Variants in COL1A1 observed in about 807,000 individuals in gnomAD.
COL1A1 encodes collagen alpha-1(I) chain.
In COL1A1, 21 loss-of-function variants were observed where a neutral mutation model predicts 195.7. That is an observed-to-expected ratio of 0.11 (90% CI 0.08 to 0.15). COL1A1 has a LOEUF of 0.15. COL1A1 is among the 10% of genes least tolerant of loss of function. The probability of loss-of-function intolerance (pLI) is 1.00; values close to 1 mark genes in which losing one functional copy is unlikely to be tolerated. For synonymous variants in COL1A1, 749 were observed against 747.3 expected (o/e 1.00, Z -0.04); for missense variants, 1,365 against 2,051.0 (o/e 0.67, Z 6.46).
chr17:50,195,178 A>G lies in COL1A1; in HGVS notation c.1299+54T>C. On this transcript the variant is annotated intron_variant, in intron 19 of 50. Coordinates refer to ENST00000225964, the MANE Select transcript of COL1A1 (RefSeq NM_000088.4). The surrounding 1 kb of genome is among the most constrained non-coding windows in gnomAD (Gnocchi z 4.3). ...TGCGTCTTCCTGCTCCCCAGATGAG[A>G]GCCGCACTGGAGCCAGTGCATGGGG... 6.2e-7 allele frequency: 1 copy of G among 1,603,366 alleles called. No homozygotes were observed. Among genetic ancestry groups the G allele is most frequent in the Non-Finnish European group, 8.5e-7 (1 of 1,170,820 alleles).
intron 3 of COL1A1, 45 bp from the exon 4 acceptor site, chr17:50,199,498 G>C: frequency 6.2e-7 from 1 of 1,614,212 alleles, no homozygotes; most frequent in Middle Eastern, 1.7e-4. Flanking sequence ...GTTAGAGAAG[G>C]GAGGACTGTG....
chr17:50,197,038 G>C lies in COL1A1; in HGVS notation c.776C>G (p.Ala259Gly). The C allele has an allele frequency of 2.5e-6, 4 of 1,614,136 alleles. No individual in the cohort carries two copies. Among genetic ancestry groups the C allele is most frequent in the Non-Finnish European group, 3.4e-6 (4 of 1,180,004 alleles). ...GTGTCCCTTCATTCCAGGGAGGCCA[G>C]CTGTTCCGGGCAATCCTCGAGCACC... is the stretch of plus-strand genomic sequence containing the variant. ...PQGARGLPGT[A>G]GLPGMKGHRG... Residue 259 changes from alanine to glycine, a missense_variant, in exon 11 of 51, where the codon GCT (alanine) becomes GGT (glycine). By Grantham distance (60) the Ala-to-Gly change is moderately conservative (BLOSUM62 0). This residue lies in a region of COL1A1 where 226 missense variants were observed against 372.9 expected (regional missense o/e 0.61). Transcript: ENST00000225964.
intron 1 of COL1A1, among the ~76,000 whole-genome samples, chr17:50,200,542 C>A (rs1221437055): frequency 6.6e-6 from 1 of 152,236 alleles, no homozygotes. Context: ...GCTCTCGGGG[C>A]CATCCCCAGT....
In COL1A1 at chr17:50,186,558, C is replaced by T; in HGVS notation, c.3815-51G>A. ...GTCAGGGAAAGGGAGCAGCCAGCAC[C>T]ATATGGTAGGGGCACATATGGGCAT... is the stretch of plus-strand genomic sequence containing the variant. On this transcript the variant is annotated intron_variant, in intron 48 of 50. Coordinates refer to ENST00000225964, the MANE Select transcript of COL1A1 (RefSeq NM_000088.4). The surrounding 1 kb of genome is among the most constrained non-coding windows in gnomAD (Gnocchi z 5.3). 1 of 1,613,832 alleles carries T rather than the reference C, an allele frequency of 6.2e-7. No homozygotes were observed. The highest frequency in any genetic ancestry group is 2.2e-5 in the East Asian group (1 of 44,874).
intron 46 of COL1A1, 60 bp downstream of exon 46, chr17:50,187,424 G>A: frequency 1.3e-6 from 2 of 1,582,290 alleles, no homozygotes; most frequent in Non-Finnish European, 8.7e-7. Flanking sequence ...CCCTGGCAAG[G>A]GTCCCCGAGG....
At position 50,188,703 on chromosome 17, in the gene COL1A1, A is replaced by G; in HGVS notation, c.3099+39T>C. The G allele has an allele frequency of 6.2e-7, 1 of 1,613,812 alleles. No homozygotes were observed. The highest frequency in any genetic ancestry group is 1.3e-5 in the African/African-American group (1 of 75,010). On this transcript the variant is annotated intron_variant, in intron 42 of 50. Coordinates refer to ENST00000225964, the MANE Select transcript of COL1A1 (RefSeq NM_000088.4). This position sits in a 1 kb window ranked among gnomAD's most constrained non-coding sequence, Gnocchi z 5.6. ...AAGGGCCAGGATGGGGCAGGGAAGC[A>G]GCAGACAAGGCTGTGGTCATGGAGT...
chr17:50,192,543 T>C lies in COL1A1; in HGVS notation c.1930-15A>G, dbSNP rs760481269. The stretch of plus-strand genomic sequence containing the variant: ...CCAGGGAGACCCTGTAGGTGGGAAA[T>C]GGGGGAAGAAGGGAGGGAAGGTTTA... On this transcript the variant is annotated splice_polypyrimidine_tract_variant and intron_variant, in intron 28 of 50. Coordinates refer to ENST00000225964, the MANE Select transcript of COL1A1 (RefSeq NM_000088.4). 2.5e-6 allele frequency: 4 copies of C among 1,613,598 alleles called. No homozygotes were observed. In the African/African-American group the frequency reaches 4.0e-5, roughly 16 times the overall value.
chr17:50,185,778 C>G lies in COL1A1; in HGVS notation c.4248G>C (p.Thr1416=), dbSNP rs746565111. 1.9e-6 allele frequency: 3 copies of G among 1,613,422 alleles called. No individual in the cohort carries two copies. The highest frequency in any genetic ancestry group is 2.2e-5 in the East Asian group (1 of 44,886). ...FTYSVTVDGC[T]SHTGAWGKTV... is the part of the protein sequence containing the mutation. ...CTGCCTGGGGATTCTGGGCACTCAC[C>G]GTGCAGCCATCGACAGTGACGCTGT... is the stretch of plus-strand genomic sequence containing the variant. The change falls in exon 50 of 51, where the codon ACG becomes ACC. Residue 1416 remains threonine, a splice_region_variant and synonymous_variant. Transcript: ENST00000225964.
Position 50,189,793 on chromosome 17 carries a change from GC to G in COL1A1, c.2614-62del. The stretch of plus-strand genomic sequence containing the variant: ...AACAGCCAACTCATCCGACCCAGCT[GC>G]CCTCACCTGCCACCGCTGCCTGGGG... On this transcript the variant is annotated intron_variant, in intron 37 of 50. Coordinates refer to ENST00000225964, the MANE Select transcript of COL1A1 (RefSeq NM_000088.4). This position sits in a 1 kb window ranked among gnomAD's most constrained non-coding sequence, Gnocchi z 5.5. 1 of 1,611,094 alleles carries G rather than the reference GC, an allele frequency of 6.2e-7. No homozygotes were observed. Among genetic ancestry groups the G allele is most frequent in the Non-Finnish European group, 8.5e-7 (1 of 1,178,042 alleles).
chr17:50,197,903 CTG>C, intron 8 of COL1A1, 44 bp downstream of exon 8: 3 of 1,603,840 alleles, frequency 1.9e-6, no homozygotes, highest in Non-Finnish European at 2.6e-6. Context: ...ATAGGAGAGT[CTG>C]TGTGTTTGTA....
intron 26 of COL1A1, 48 bp from the exon 27 acceptor site, chr17:50,192,898 A>T (rs751053608): frequency 3.1e-6 from 5 of 1,612,990 alleles, no homozygotes; most frequent in Non-Finnish European, 4.2e-6. Flanking sequence ...GGCCCCGAGC[A>T]GCTGAGGACC....
rs766145387 is a variant in COL1A1 at position 50,188,075 on chromosome 17, G to A, written c.3261+21C>T. ...CATCTGTAGAGTTCTAAAGGCATGG[G>A]GGACACAGCAGGGTACTTACGGCGG... On this transcript the variant is annotated intron_variant, in intron 44 of 50. Coordinates refer to ENST00000225964, the MANE Select transcript of COL1A1 (RefSeq NM_000088.4). This position sits in a 1 kb window ranked among gnomAD's most constrained non-coding sequence, Gnocchi z 5.6. The A allele has an allele frequency of 6.2e-7, 1 of 1,612,924 alleles. No individual in the cohort carries two copies. Among genetic ancestry groups the A allele is most frequent in the South Asian group, 1.1e-5 (1 of 90,876 alleles).
chr17:50,199,712 GGCCCC>G lies in COL1A1; in HGVS notation c.298+36_298+40del, dbSNP rs1907911295. ...CCCCCAGCCCCAGCCCCAGGCCCCA[GGCCCC>G]AGGCCCCAGGCCCCAGGCCCCGAGC... is the stretch of plus-strand genomic sequence containing the variant. On this transcript the variant is annotated intron_variant, in intron 2 of 50. Transcript: ENST00000225964. 5 of 219,230 alleles carry G rather than the reference GGCCCC, an allele frequency of 2.3e-5. No homozygotes were observed. The East Asian group carries it at 5.9e-4, about 26-fold the overall frequency. The allele number at this position is 219,230 out of a possible 1,614,324, so 13.6% of individuals were successfully genotyped here.
In COL1A1 at chr17:50,189,863, G is replaced by A; in HGVS notation, c.2609C>T (p.Pro870Leu). The stretch of plus-strand genomic sequence containing the variant: ...AGAGAGGCGGGTGATACTCACAGGG[G>A]GACCAGCGCTGCCGCGAGCACCTTT... ...GAKGARGSAG[P>L]PGATGFPGAA... Residue 870 changes from proline (P) to leucine (L), a missense_variant, in exon 37 of 51, where the codon CCC becomes CTC. By Grantham distance (98) the Pro-to-Leu change is moderately conservative (BLOSUM62 -3). Transcript: ENST00000225964. The surrounding 1 kb of genome is among the most constrained non-coding windows in gnomAD (Gnocchi z 5.5). 6.2e-7 allele frequency: 1 copy of A among 1,607,488 alleles called. No individual in the cohort carries two copies. The highest frequency in any genetic ancestry group is 8.5e-7 in the Non-Finnish European group (1 of 1,176,690).
chr17:50,185,110 G>C lies in COL1A1; in HGVS notation c.*392C>G. Reference sequence around the variant, plus strand: ...GAGACAGATTTGGGAAGGAGTGGAGGGGAGGCCCCAAGGGGGGTGTGGAGA... The same window carrying C: ...GAGACAGATTTGGGAAGGAGTGGAGCGGAGGCCCCAAGGGGGGTGTGGAGA... On this transcript the variant is annotated 3_prime_UTR_variant, in exon 51 of 51. Transcript: ENST00000225964. 1 of 289,418 alleles carries C rather than the reference G, an allele frequency of 3.5e-6. No individual in the cohort carries two copies. Among genetic ancestry groups the C allele is most frequent in the East Asian group, 5.5e-5 (1 of 18,344 alleles). The allele number at this position is 289,418 out of a possible 1,614,324, so 17.9% of individuals were successfully genotyped here.
intron 45 of COL1A1, 134 bp downstream of exon 45, chr17:50,187,742 C>T (rs1906679186): frequency 1.0e-6 from 1 of 986,070 alleles, no homozygotes. Context: ...CTTGGACATG[C>T]CCACAAATCT....
At chr17:50,192,773 G>GATCTCCCCAT in intron 27 of COL1A1, 24 bp downstream of exon 27, 1 of 1,614,002 alleles carries the variant, frequency 6.2e-7, no homozygotes, top group Non-Finnish European at 8.5e-7. Context: ...CTGCTCCCCA[G>GATCTCCCCAT]ATCTCCCCAT....
chr17:50,197,268 C>G (rs766946555), intron 9 of COL1A1, 35 bp from the exon 10 acceptor site: 1 of 1,607,608 alleles, frequency 6.2e-7, no homozygotes, highest in East Asian at 2.2e-5. Context: ...ATGCCTCTGC[C>G]TCCCCACCAC....
At position 50,196,344 on chromosome 17, in the gene COL1A1, C is replaced by T; in HGVS notation, c.927G>A (p.Glu309=). 2 of 1,612,554 alleles carry T rather than the reference C, an allele frequency of 1.2e-6. No individual in the cohort carries two copies. Among genetic ancestry groups the T allele is most frequent in the South Asian group, 2.2e-5 (2 of 90,932 alleles). Residue 309 remains glutamate (E), a synonymous_variant, in exon 14 of 51, where the codon GAG becomes GAA. Transcript: ENST00000225964. ...GQMGPRGLPG[E]RGRPGAPGPA... Reference sequence around the variant, plus strand: ...GGCCAGGGGCTCCAGGGCGACCTCTCTCACCAGGCAGGCCACGGGGGCCCT... The same window carrying T: ...GGCCAGGGGCTCCAGGGCGACCTCTTTCACCAGGCAGGCCACGGGGGCCCT...
Sources: allele counts gnomAD v4.1 joint callset (sites outside exome capture counted in the v4.1 genomes callset), GRCh38; gene constraint gnomAD v4.1.1; regional missense constraint gnomAD v4.1.1; non-coding constraint Gnocchi (gnomAD v3.1); transcripts MANE v1.5; gene names NCBI Gene and HGNC (gene_info 2026-07-23, HGNC 2026-07-21).